Variants in MUC5AC observed in about 807,000 individuals in gnomAD.
MUC5AC encodes the protein mucin-5AC.
A neutral mutation model predicts 169.7 loss-of-function variants in MUC5AC; 158 were observed. The ratio of observed to expected loss-of-function variants is 0.93; its 90% CI spans 0.82 to 1.06. MUC5AC has a LOEUF of 1.06. Among genes scored for constraint, MUC5AC ranks in the 50% least tolerant of loss-of-function variants. The pLI is 0.00. For synonymous variants in MUC5AC, 1,975 were observed against 1,237.0 expected (o/e 1.60, Z -12.52); for missense variants, 4,359 against 3,089.9 (o/e 1.41, Z -9.74).
chr11:1,199,230 A>G, intron 45 of MUC5AC, 45 bp downstream of exon 45: 1 of 731,560 alleles, frequency 1.4e-6, no homozygotes, highest in East Asian at 2.5e-5. Flanking sequence ...GTCTGGGAGC[A>G]CTGGGGCATG....
Position 1,195,903 on chromosome 11 carries a change from C to T in MUC5AC, c.15486C>T (p.Ile5162=), listed in dbSNP as rs749305747. ...SKVFEPCHTV[I]PPLLFYEGCV... The stretch of plus-strand genomic sequence containing the variant: ...TCTTTGAGCCGTGCCACACTGTGAT[C>T]CCCCCACTGCTGTTCTATGAGGGCT... The change falls in exon 37 of 49, where the codon ATC becomes ATT. Residue 5162 remains isoleucine, a synonymous_variant. Transcript: ENST00000621226. 4 of 733,260 alleles carry T rather than the reference C, an allele frequency of 5.5e-6. No homozygotes were observed. The highest frequency in any genetic ancestry group is 4.0e-5 in the South Asian group (3 of 74,170). 45.4% of individuals were successfully genotyped at this position (733,260 alleles called of 1,614,324 possible). A position where few individuals can be genotyped will look rare whatever the true frequency, so the allele number is the denominator to read the frequency against.
Position 1,174,547 on chromosome 11 carries a change from G to A in MUC5AC, c.2017G>A (p.Ala673Thr), listed in dbSNP as rs1027867422. 3.2e-5 allele frequency: 50 copies of A among 1,563,202 alleles called. No individual in the cohort carries two copies. In the Middle Eastern group the frequency reaches 1.3e-3, roughly 41 times the overall value. ...TGAGCGGAGCGAGGACTGCCTGTGC[G>A]CCGCGCTGTCCTCCTACGTGCACGC... The part of the protein sequence containing the change: ...NCERSEDCLC[A>T]ALSSYVHACA... Residue 673 changes from alanine to threonine, a missense_variant, in exon 17 of 49, where the codon GCC becomes ACC. Transcript: ENST00000621226.
chr11:1,191,979 C>G lies in MUC5AC; in HGVS notation c.13834C>G (p.Leu4612Val), dbSNP rs72479396. 0.029 allele frequency: 22,264 copies of G among 764,956 alleles called. 497 individuals are homozygous for G. Among genetic ancestry groups the G allele is most frequent in the Non-Finnish European group, 0.042 (17,388 of 417,742 alleles). The allele number at this position is 764,956 out of a possible 1,614,324, so 47.4% of individuals were successfully genotyped here. Residue 4612 changes from leucine (L) to valine (V), a missense_variant, in exon 31 of 49, where the codon CTT (leucine) becomes GTT (valine). Leu to Val is a conservative substitution (Grantham distance 32). Transcript: ENST00000621226. ...TPVSKTSTSH[L>V]SVSKTTHSQP... is the part of the protein sequence containing the mutation. ...TGTTTCAAAGACCAGCACAAGCCAT[C>G]TTTCTGTATCCAAGACAACCCACTC...
rs1564914071 is a variant in MUC5AC, at chr11:1,185,607, C to T, written c.7462C>T (p.Pro2488Ser). 1 of 730,730 alleles carries T rather than the reference C, an allele frequency of 1.4e-6. No homozygotes were observed. The highest frequency in any genetic ancestry group is 1.7e-5 in the African/African-American group (1 of 58,112). The allele number at this position is 730,730 out of a possible 1,614,324, so 45.3% of individuals were successfully genotyped here. ...SAATTSTTSGPETTPRPVPTT... is the reference protein window; with the variant it reads ...SAATTSTTSGSETTPRPVPTT... ...CGCTACAACCAGCACAACCTCTGGT[C>T]CTGAAACTACTCCTAGACCTGTTCC... is the stretch of plus-strand genomic sequence containing the variant. The change falls in exon 31 of 49, where the codon CCT becomes TCT. Residue 2488 changes from proline to serine, a missense_variant. Pro to Ser is a moderately conservative substitution (Grantham distance 74, BLOSUM62 -1). Coordinates refer to ENST00000621226, the MANE Select transcript of MUC5AC (RefSeq NM_001304359.2).
In MUC5AC at chr11:1,190,659, G is replaced by C. The variant is rs1412842155; in HGVS notation, c.12514G>C (p.Ala4172Pro). 2.7e-5 allele frequency: 19 copies of C among 693,898 alleles called. No homozygotes were observed. The highest frequency in any genetic ancestry group is 4.2e-5 in the Non-Finnish European group (16 of 380,274). 43.0% of individuals were successfully genotyped at this position (693,898 alleles called of 1,614,324 possible). Residue 4172 changes from alanine (A) to proline (P), a missense_variant, in exon 31 of 49, where the codon GCT becomes CCT. Transcript: ENST00000621226. Reference protein sequence around the residue: ...TSAPTTSTNSAPTTSTISAST... With the variant: ...TSAPTTSTNSPPTTSTISAST... ...TGCTCCAACAACCAGCACAAACTCT[G>C]CTCCTACAACCAGCACAATCTCTGC... is the stretch of plus-strand genomic sequence containing the variant.
At chr11:1,175,907 A>G (rs1437114920) in intron 19 of MUC5AC, among the ~76,000 whole-genome samples, 13 of 137,214 alleles carry the variant, frequency 9.5e-5, no homozygotes, top group South Asian at 4.8e-4. Context: ...CCACACATGC[A>G]CACACACCCA....
chr11:1,191,101 C>G lies in MUC5AC; in HGVS notation c.12956C>G (p.Thr4319Ser), dbSNP rs1439155103. 222 of 712,172 alleles carry G rather than the reference C, an allele frequency of 3.1e-4. No homozygotes were observed. The highest frequency in any genetic ancestry group is 4.8e-4 in the Non-Finnish European group (188 of 388,610). The allele number at this position is 712,172 out of a possible 1,614,324, so 44.1% of individuals were successfully genotyped here. Residue 4319 changes from threonine to serine, a missense_variant, in exon 31 of 49, where the codon ACT (threonine) becomes AGT (serine). Coordinates refer to ENST00000621226, the MANE Select transcript of MUC5AC (RefSeq NM_001304359.2). Reference protein sequence around the residue: ...PTTSTTSGPGTTPSPVPTTST... With the variant: ...PTTSTTSGPGSTPSPVPTTST... ...ACTAGCACAACCTCTGGTCCTGGAA[C>G]TACTCCCAGCCCTGTTCCCACCACC...
rs775680210 is a variant in MUC5AC, at chr11:1,196,928, C to A, written c.15861+20C>A. 22 of 759,934 alleles carry A rather than the reference C, an allele frequency of 2.9e-5. No homozygotes were observed. Among genetic ancestry groups the A allele is most frequent in the Non-Finnish European group, 4.8e-5 (20 of 415,818 alleles). 47.1% of individuals were successfully genotyped at this position (759,934 alleles called of 1,614,324 possible). On this transcript the variant is annotated intron_variant, in intron 40 of 48. Transcript: ENST00000621226. ...GTGAAGGTGAGTGGAAGGCATGGCC[C>A]AAGAGGGCACTGGGGTCCAAGAGCC...
chr11:1,168,447 T>C, intron 12 of MUC5AC, 36 bp from the exon 13 acceptor site: 1 of 1,603,202 alleles, frequency 6.2e-7, no homozygotes, highest in Admixed American at 1.7e-5. Context: ...GCCGCAAGCC[T>C]GCCCCGCGCT....
chr11:1,172,281 C>T (rs1860567721), intron 15 of MUC5AC, 148 bp from the exon 16 acceptor site: 1 of 397,608 alleles, frequency 2.5e-6, no homozygotes, highest in East Asian at 3.6e-5. Context: ...CGCCACACCA[C>T]CCAGGCTGAG....
intron 16 of MUC5AC, among the ~76,000 whole-genome samples, chr11:1,173,992 TACTCATTCACTCACTCATTCATCC>T (rs1253490514): frequency 1.1e-4 from 17 of 149,894 alleles, no homozygotes; most frequent in Admixed American, 2.7e-4. Context: ...TTCCTTCACC[TACTCATTCACTCACTCATTCATCC>T]ACTCATTCAC....
At position 1,192,141 on chromosome 11, in the gene MUC5AC, C is replaced by T. The variant is rs555342187; in HGVS notation, c.13996C>T (p.Arg4666Cys). Residue 4666 changes from arginine to cysteine, a missense_variant, in exon 31 of 49, where the codon CGC becomes TGC. Coordinates refer to ENST00000621226, the MANE Select transcript of MUC5AC (RefSeq NM_001304359.2). Reference protein sequence around the residue: ...NIIRSGEKICRRPEEITRLQC... With the variant: ...NIIRSGEKICCRPEEITRLQC... ...CATCAGGAGTGGGGAAAAAATCTGC[C>T]GCCGACCTGAGGAGATCACCAGGCT... 32 of 765,022 alleles carry T rather than the reference C, an allele frequency of 4.2e-5. No homozygotes were observed. Among genetic ancestry groups the T allele is most frequent in the African/African-American group, 1.7e-4 (10 of 59,246 alleles). The allele number at this position is 765,022 out of a possible 1,614,324, so 47.4% of individuals were successfully genotyped here.
Position 1,179,391 on chromosome 11 carries a change from G to A in MUC5AC, c.3484+143G>A, listed in dbSNP as rs888035528. On this transcript the variant is annotated intron_variant, in intron 26 of 48. Coordinates refer to ENST00000621226, the MANE Select transcript of MUC5AC (RefSeq NM_001304359.2). ...GAAACACCTGGGCCCAGAGAGGAGGGCGTGGCTGACAGAGGGGTCCCTGGC... is the reference window on the plus strand; with the variant it reads ...GAAACACCTGGGCCCAGAGAGGAGGACGTGGCTGACAGAGGGGTCCCTGGC... 2,616 of 473,180 alleles carry A rather than the reference G, an allele frequency of 5.5e-3. 11 individuals carry two copies. Among genetic ancestry groups the A allele is most frequent in the Non-Finnish European group, 7.9e-3 (2,100 of 266,770 alleles). The allele number at this position is 473,180 out of a possible 1,614,324, so 29.3% of individuals were successfully genotyped here.
At position 1,195,291 on chromosome 11, in the gene MUC5AC, G is replaced by C; in HGVS notation, c.15458+12G>C. The stretch of plus-strand genomic sequence containing the variant: ...CTGATTCTGAGCAAGTGAGACTTGG[G>C]TGCAAGGGAGGGAGGGTCAGTGTGG... On this transcript the variant is annotated intron_variant, in intron 36 of 48. Transcript: ENST00000621226. The C allele has an allele frequency of 1.3e-6, 1 of 756,552 alleles. No individual in the cohort carries two copies. The highest frequency in any genetic ancestry group is 1.3e-5 in the South Asian group (1 of 74,482). 46.9% of individuals were successfully genotyped at this position (756,552 alleles called of 1,614,324 possible).
chr11:1,166,894 G>A (rs1358535059), intron 11 of MUC5AC, among the ~76,000 whole-genome samples: 97 of 6,378 alleles, frequency 0.015, no homozygotes, highest in Admixed American at 0.017. Flanking sequence ...CCCTGCACCC[G>A]ACACACAGTC....
At chr11:1,167,679 T>C (rs1590136728) in intron 11 of MUC5AC, among the ~76,000 whole-genome samples, 198 bp from the exon 12 acceptor site, 1 of 152,306 alleles carries the variant, frequency 6.6e-6, no homozygotes, top group East Asian at 1.9e-4. Context: ...TGTGGCCTCC[T>C]CAGGGTGCAT....
In MUC5AC at chr11:1,187,037, A is replaced by T; in HGVS notation, c.8892A>T (p.Thr2964=). ...CAATCTCTGTTCCTACCACCAGCAC[A>T]ACTTCTGCTTCTACAACCAGCACAA... ...TSTISVPTTS[T]TSASTTSTTS... is the part of the protein sequence containing the mutation. Residue 2964 remains threonine, a synonymous_variant, in exon 31 of 49, where the codon ACA becomes ACT. Coordinates refer to ENST00000621226, the MANE Select transcript of MUC5AC (RefSeq NM_001304359.2). 1.3e-6 allele frequency: 1 copy of T among 748,888 alleles called. No homozygotes were observed. The allele number at this position is 748,888 out of a possible 1,614,324, so 46.4% of individuals were successfully genotyped here. A position where few individuals can be genotyped will look rare whatever the true frequency, so the allele number is the denominator to read the frequency against.
rs2133747360 is a variant in MUC5AC at position 1,178,610 on chromosome 11, C to T, written c.3254C>T (p.Pro1085Leu). ...CCCAAGGACCCCTGCACGGCCAACC[C>T]CTTCCGCAAGTCCTGGGCCCAGAAG... is the stretch of plus-strand genomic sequence containing the variant. ...LAPKDPCTANPFRKSWAQKQC... is the reference protein window; with the variant it reads ...LAPKDPCTANLFRKSWAQKQC... The change falls in exon 25 of 49, where the codon CCC becomes CTC. Residue 1085 changes from proline to leucine, a missense_variant. Coordinates refer to ENST00000621226, the MANE Select transcript of MUC5AC (RefSeq NM_001304359.2). 3 of 1,407,662 alleles carry T rather than the reference C, an allele frequency of 2.1e-6. No individual in the cohort carries two copies. The highest frequency in any genetic ancestry group is 5.4e-5 in the East Asian group (2 of 36,702). 87.2% of individuals were successfully genotyped at this position (1,407,662 alleles called of 1,614,324 possible).
Position 1,190,929 on chromosome 11 carries a change from A to T in MUC5AC, c.12784A>T (p.Ser4262Cys). Residue 4262 changes from serine to cysteine, a missense_variant, in exon 31 of 49, where the codon AGC becomes TGC. Transcript: ENST00000621226. ...TGGAACTACTCCAAGCCCTGTTCCC[A>T]GCACCAGTACAACCTCTGCTGCTAC... ...GPGTTPSPVP[S>C]TSTTSAATTS... 1 of 738,402 alleles carries T rather than the reference A, an allele frequency of 1.4e-6. No homozygotes were observed. Among genetic ancestry groups the T allele is most frequent in the Admixed American group, 1.8e-5 (1 of 54,936 alleles). The allele number at this position is 738,402 out of a possible 1,614,324, so 45.7% of individuals were successfully genotyped here.
Sources: gnomAD v4.1 joint callset for allele counts (sites outside exome capture counted in the v4.1 genomes callset) on GRCh38, gnomAD v4.1.1 for gene constraint, MANE v1.5 for transcripts, NCBI Gene and HGNC (gene_info 2026-07-23, HGNC 2026-07-21) for gene names.